The following UBQLN1 variants were observed in gnomAD, a reference collection of about 807,000 sequenced individuals.
UBQLN1 encodes the protein ubiquilin 1.
A neutral mutation model predicts 65.4 loss-of-function variants in UBQLN1; 13 were observed. The ratio of observed to expected loss-of-function variants is 0.20; its 90% CI spans 0.13 to 0.32. UBQLN1 has a LOEUF of 0.32. Ranked by LOEUF, UBQLN1 falls within the 10% of genes least tolerant of loss-of-function variation. The pLI, the probability that UBQLN1 is intolerant of heterozygous loss-of-function variation, is 1.00. For synonymous variants in UBQLN1, 267 were observed against 247.8 expected (o/e 1.08, Z -0.73); for missense variants, 561 against 724.0 (o/e 0.77, Z 2.58).
intron 2 of UBQLN1, 27 bp from the exon 3 acceptor site, chr9:83,683,093 A>G (rs1299063565): frequency 1.3e-6 from 2 of 1,515,316 alleles, no homozygotes; most frequent in South Asian, 2.3e-5. Flanking sequence ...ATCACAGAGT[A>G]AGCAGTAGAG....
intron 1 of UBQLN1, among the ~76,000 whole-genome samples, chr9:83,697,928 G>C (rs187222378): frequency 6.6e-6 from 1 of 151,890 alleles, no homozygotes; most frequent in African/African-American, 2.4e-5. Flanking sequence ...TAGAGACGGG[G>C]TTTCTCCATG....
intron 5 of UBQLN1, 124 bp downstream of exon 5, chr9:83,678,317 G>A (rs562419877): frequency 3.3e-5 from 41 of 1,232,612 alleles, no homozygotes; most frequent in South Asian, 1.0e-4. Flanking sequence ...CACTGCACCC[G>A]GCCACTGAAC....
chr9:83,691,757 T>A (rs927580475), intron 1 of UBQLN1, among the ~76,000 whole-genome samples: 1 of 152,228 alleles, frequency 6.6e-6, no homozygotes, highest in African/African-American at 2.4e-5. Flanking sequence ...ACAATTAATG[T>A]CATAGATACT....
intron 1 of UBQLN1, among the ~76,000 whole-genome samples, chr9:83,699,649 T>C (rs10780624): frequency 0.23 from 35,482 of 152,174 alleles, 5,874 homozygotes; most frequent in East Asian, 0.8. Flanking sequence ...CCAGCTCACA[T>C]TGTATTTCTA....
intron 6 of UBQLN1, among the ~76,000 whole-genome samples, chr9:83,673,545 T>TAAA (rs1564162390): frequency 2.9e-5 from 2 of 67,992 alleles, no homozygotes; most frequent in African/African-American, 7.3e-5. Flanking sequence ...ACTCGGTCTT[T>TAAA]TAAAAAAAAA....
chr9:83,705,632 A>C (rs1287706948), intron 1 of UBQLN1, among the ~76,000 whole-genome samples: 2 of 152,238 alleles, frequency 1.3e-5, no homozygotes, highest in African/African-American at 2.4e-5. Context: ...GTATATAACC[A>C]TGAAAGATAA....
chr9:83,698,626 A>G (rs75734183), intron 1 of UBQLN1, among the ~76,000 whole-genome samples: 366 of 152,324 alleles, frequency 2.4e-3, no homozygotes, highest in African/African-American at 8.2e-3. Flanking sequence ...TACACAGTAA[A>G]TTCTGGCTGG....
chr9:83,707,750 G>C lies in UBQLN1; in HGVS notation c.-71C>G. The C allele has an allele frequency of 1.3e-6, 2 of 1,484,992 alleles. No individual in the cohort carries two copies. Among genetic ancestry groups the C allele is most frequent in the East Asian group, 2.6e-5 (1 of 39,112 alleles). 92.0% of individuals were successfully genotyped at this position (1,484,992 alleles called of 1,614,324 possible). A position where few individuals can be genotyped will look rare whatever the true frequency, so the allele number is the denominator to read the frequency against. On this transcript the variant is annotated 5_prime_UTR_variant, in exon 1 of 11. Coordinates refer to ENST00000376395, the MANE Select transcript of UBQLN1 (RefSeq NM_013438.5). ...GCAGGCGAGCAAGGAGGAGCCAGCAGACACCAGAGCCGGCAGGCCTGGACA... is the reference window on the plus strand; with the variant it reads ...GCAGGCGAGCAAGGAGGAGCCAGCACACACCAGAGCCGGCAGGCCTGGACA...
intron 2 of UBQLN1, among the ~76,000 whole-genome samples, chr9:83,684,511 T>C (rs1832005315): frequency 1.3e-5 from 2 of 151,976 alleles, no homozygotes; most frequent in South Asian, 4.1e-4. Context: ...TTACTTAGTA[T>C]TATCTCTAAA....
rs1587642185 is a variant in UBQLN1, at chr9:83,672,354, G to A, written c.1106-3027C>T. On this transcript the variant is annotated intron_variant, in intron 6 of 10. Transcript: ENST00000376395. ...GAGGCCTAGCTTTTGGCCTATTTTA[G>A]CTTCTGATATGCCTCCCTCACTAAA... Among the ~76,000 whole-genome samples the A allele has an allele frequency of 2.6e-5, 4 of 152,264 alleles. No individual in the cohort carries two copies. In the South Asian group the frequency reaches 8.3e-4, roughly 32 times the overall value.
chr9:83,706,351 A>G (rs1832406712), intron 1 of UBQLN1, among the ~76,000 whole-genome samples: 1 of 152,244 alleles, frequency 6.6e-6, no homozygotes, highest in Admixed American at 6.5e-5. Flanking sequence ...TTGAAAATAC[A>G]AAAATGGTAA....
intron 9 of UBQLN1, 103 bp downstream of exon 9, chr9:83,664,923 CAAAA>C (rs539581441): frequency 0.014 from 3,280 of 229,432 alleles, no homozygotes; most frequent in South Asian, 0.018. Flanking sequence ...TGTATCCCAC[CAAAA>C]AAAAAAAAAA....
At chr9:83,690,445 T>C (rs17086576) in intron 1 of UBQLN1, among the ~76,000 whole-genome samples, 4,413 of 152,284 alleles carry the variant, frequency 0.029, 223 homozygotes, top group African/African-American at 0.1. Flanking sequence ...AGTGACTTCT[T>C]GGGAGTTGGT....
chr9:83,692,110 CA>C (rs112149026), intron 1 of UBQLN1, among the ~76,000 whole-genome samples: 6,203 of 152,268 alleles, frequency 0.041, 381 homozygotes, highest in African/African-American at 0.14. Flanking sequence ...AGCTGTCTGC[CA>C]CTCTATTTGA....
intron 9 of UBQLN1, among the ~76,000 whole-genome samples, chr9:83,664,579 C>G (rs1831612296): frequency 6.6e-6 from 1 of 151,658 alleles, no homozygotes; most frequent in African/African-American, 2.4e-5. Context: ...GAGCAAAAAC[C>G]GATCTCTTAA....
At chr9:83,690,858 G>A (rs1832115359) in intron 1 of UBQLN1, among the ~76,000 whole-genome samples, 1 of 152,012 alleles carries the variant, frequency 6.6e-6, no homozygotes, top group African/African-American at 2.4e-5. Flanking sequence ...CTCAATGGGA[G>A]CGGGCGCAGT....
At chr9:83,687,024 C>T (rs1832052082) in intron 1 of UBQLN1, among the ~76,000 whole-genome samples, 1 of 151,590 alleles carries the variant, frequency 6.6e-6, no homozygotes, top group South Asian at 2.1e-4. Flanking sequence ...CTGTATTATA[C>T]TGACCATCCT....
chr9:83,674,236 A>C (rs1831789804), intron 6 of UBQLN1, among the ~76,000 whole-genome samples: 1 of 151,966 alleles, frequency 6.6e-6, no homozygotes, highest in Non-Finnish European at 1.5e-5. Flanking sequence ...ACAAGAAAAA[A>C]GGAAGAAGGA....
intron 1 of UBQLN1, among the ~76,000 whole-genome samples, chr9:83,702,568 T>C (rs956655607): frequency 5.3e-5 from 8 of 152,196 alleles, no homozygotes; most frequent in African/African-American, 1.9e-4. Context: ...AAAGGTCAAA[T>C]TAATTTTGAT....
Sources: gnomAD v4.1 joint callset for allele counts (sites outside exome capture counted in the v4.1 genomes callset) on GRCh38, gnomAD v4.1.1 for gene constraint, MANE v1.5 for transcripts, NCBI Gene and HGNC (gene_info 2026-07-23, HGNC 2026-07-21) for gene names.